Variants in RTN2 observed in about 807,000 individuals in gnomAD.
RTN2 encodes reticulon 2, also known as reticulon-2.
A neutral mutation model predicts 63.7 loss-of-function variants in RTN2; 36 were observed. The ratio of observed to expected loss-of-function variants is 0.56; its 90% CI spans 0.43 to 0.75. The LOEUF is 0.75. Ranked by LOEUF, RTN2 falls within the 30% of genes least tolerant of loss-of-function variation. The pLI, the probability that RTN2 is intolerant of heterozygous loss-of-function variation, is 0.00. For missense variants in RTN2, 673 were observed against 705.1 expected, an observed-to-expected ratio of 0.95 and a Z score of 0.52; for synonymous variants, 312 against 313.0, an observed-to-expected ratio of 1.00 and a Z score of 0.03.
chr19:45,493,134 C>G (rs1568624625), intron 5 of RTN2, 26 bp downstream of exon 5: 1 of 1,605,372 alleles, frequency 6.2e-7, no homozygotes, highest in Non-Finnish European at 8.5e-7. Context: ...ACCTCAGCCC[C>G]CGTCCAGCCC....
At chr19:45,488,774 C>CA in intron 7 of RTN2, 68 bp from the exon 8 acceptor site, 1 of 1,594,428 alleles carries the variant, frequency 6.3e-7, no homozygotes, top group Non-Finnish European at 8.5e-7. Flanking sequence ...ATTTACCCAA[C>CA]AGTCGCCCTC....
chr19:45,489,050 G>A, intron 6 of RTN2, 64 bp from the exon 7 acceptor site: 1 of 1,557,722 alleles, frequency 6.4e-7, no homozygotes. Flanking sequence ...TGCAGGGGCA[G>A]CTGAAACAAG....
chr19:45,494,569 T>A lies in RTN2; in HGVS notation c.516A>T (p.Glu172Asp). 1 of 1,614,074 alleles carries A rather than the reference T, an allele frequency of 6.2e-7. No individual in the cohort carries two copies. Among genetic ancestry groups the A allele is most frequent in the East Asian group, 2.2e-5 (1 of 44,876 alleles). ...TCTCCAATCTGTTGGGTTCTTGGGG[T>A]TCTTCGTCTTCCAGCGGGGTGGAGC... ...TSSSTPLEDEEPQEPNRLETG... is the reference protein window; with the variant it reads ...TSSSTPLEDEDPQEPNRLETG... The change falls in exon 3 of 11, where the codon GAA becomes GAT. Residue 172 changes from glutamate to aspartate, a missense_variant. By Grantham distance (45) the Glu-to-Asp change is conservative (BLOSUM62 2). Transcript: ENST00000245923. This position sits in a 1 kb window ranked among gnomAD's most constrained non-coding sequence, Gnocchi z 5.3.
At chr19:45,496,516 C>A in intron 1 of RTN2, 1 of 340,272 alleles carries the variant, frequency 2.9e-6, no homozygotes, top group Admixed American at 4.8e-5. Flanking sequence ...CGCGCGTCCT[C>A]GCTCCCGGGC....
intron 1 of RTN2, among the ~76,000 whole-genome samples, chr19:45,496,412 A>C (rs1339846867): frequency 6.6e-6 from 1 of 152,170 alleles, no homozygotes; most frequent in Admixed American, 6.5e-5. Context: ...AGTGATTGGG[A>C]GCCAGACCCC....
At position 45,488,680 on chromosome 19, in the gene RTN2, G is replaced by A; in HGVS notation, c.1407C>T (p.Thr469=). The part of the protein sequence containing the change: ...LKLALLFYIL[T]FVGAIFNGLT... ...AACCATTGAAGATGGCACCCACGAAGGTCAAGATGTAGAAGAGGAGGGCCA... is the reference window on the plus strand; with the variant it reads ...AACCATTGAAGATGGCACCCACGAAAGTCAAGATGTAGAAGAGGAGGGCCA... Residue 469 remains threonine (T), a synonymous_variant, in exon 8 of 11, where the codon ACC becomes ACT. Transcript: ENST00000245923. 3 of 1,613,958 alleles carry A rather than the reference G, an allele frequency of 1.9e-6. No homozygotes were observed. The highest frequency in any genetic ancestry group is 1.7e-6 in the Non-Finnish European group (2 of 1,179,940).
chr19:45,492,652 C>A (rs1050189786), intron 5 of RTN2, among the ~76,000 whole-genome samples: 1 of 152,252 alleles, frequency 6.6e-6, no homozygotes, highest in Non-Finnish European at 1.5e-5. Flanking sequence ...CTCCCTCCAA[C>A]TGACCCCTCC....
chr19:45,493,899 A>C, intron 4 of RTN2: 1 of 448,356 alleles, frequency 2.2e-6, no homozygotes, highest in Non-Finnish European at 4.1e-6. Flanking sequence ...CATGTTGGCC[A>C]GGCTGATCTC....
intron 6 of RTN2, 158 bp from the exon 7 acceptor site, chr19:45,489,144 G>A: frequency 1.1e-6 from 1 of 906,346 alleles, no homozygotes; most frequent in Non-Finnish European, 1.7e-6. Flanking sequence ...CTGGGGTCAG[G>A]GTCAGGGTCA....
At chr19:45,493,982 G>T in intron 4 of RTN2, 184 bp downstream of exon 4, 2 of 952,118 alleles carry the variant, frequency 2.1e-6, no homozygotes, top group Admixed American at 2.4e-5. Context: ...GAGCCACCGC[G>T]CCCGGCCGGG....
intron 5 of RTN2, among the ~76,000 whole-genome samples, chr19:45,491,261 T>C (rs1330041393): frequency 6.6e-6 from 1 of 151,588 alleles, no homozygotes; most frequent in East Asian, 1.9e-4. Context: ...AGTGGCGTGA[T>C]CATGGCTCAC....
chr19:45,495,340 T>C, intron 1 of RTN2: 2 of 626,674 alleles, frequency 3.2e-6, no homozygotes, highest in Non-Finnish European at 5.5e-6. Context: ...CTTAGAGTCT[T>C]CAAAGTAGGA....
intron 9 of RTN2, among the ~76,000 whole-genome samples, chr19:45,486,705 C>T (rs1320558911): frequency 3.9e-5 from 5 of 128,174 alleles, no homozygotes; most frequent in Non-Finnish European, 8.4e-5. Context: ...TTATTTTTTT[C>T]TTGTTCTTTT....
At chr19:45,496,646 G>T in intron 1 of RTN2, 146 bp downstream of exon 1, 1 of 476,450 alleles carries the variant, frequency 2.1e-6, no homozygotes, top group Non-Finnish European at 3.5e-6. Context: ...CGCCGCCAGA[G>T]CGCGGGGGAG....
chr19:45,495,496 G>A (rs1968252040), intron 1 of RTN2, among the ~76,000 whole-genome samples: 1 of 152,190 alleles, frequency 6.6e-6, no homozygotes, highest in Non-Finnish European at 1.5e-5. Context: ...CACTCTTTGG[G>A]ATAGACAAAC....
rs1968241252 is a variant in RTN2 at position 45,494,914 on chromosome 19, GC to G, written c.170del (p.Gly57AlafsTer6). The part of the protein sequence containing the change: ...DEEETTSQDW[G>X]TPRELTFSYI... Reference sequence around the variant, plus strand: ...AGGAGAAGGTCAGCTCCCGGGGGGTGCCCCAGTCCTGCGACGTGGTCTCCTC... The same window carrying G: ...AGGAGAAGGTCAGCTCCCGGGGGGTGCCCAGTCCTGCGACGTGGTCTCCTC... On this transcript the variant is annotated frameshift_variant, in exon 3 of 11. Coordinates refer to ENST00000245923, the MANE Select transcript of RTN2 (RefSeq NM_005619.5). LOFTEE classifies it high-confidence loss of function. The surrounding 1 kb of genome is among the most constrained non-coding windows in gnomAD (Gnocchi z 5.3). 1 of 1,613,192 alleles carries G rather than the reference GC, an allele frequency of 6.2e-7. No individual in the cohort carries two copies. The highest frequency in any genetic ancestry group is 8.5e-7 in the Non-Finnish European group (1 of 1,180,022).
intron 5 of RTN2, 123 bp from the exon 6 acceptor site, chr19:45,489,676 C>CTTTTTTT (rs200770145): frequency 6.0e-6 from 3 of 502,508 alleles, no homozygotes; most frequent in African/African-American, 2.3e-5. Context: ...ACCTGATTTC[C>CTTTTTTT]TTTTTTTTTT....
chr19:45,491,797 G>A (rs999683958), intron 5 of RTN2, among the ~76,000 whole-genome samples: 9 of 151,870 alleles, frequency 5.9e-5, no homozygotes, highest in Non-Finnish European at 1.0e-4. Flanking sequence ...CCTAAACCTG[G>A]CTAATTTTTA....
intron 1 of RTN2, 23 bp from the exon 2 acceptor site, chr19:45,495,162 GA>G: frequency 6.2e-7 from 1 of 1,613,508 alleles, no homozygotes; most frequent in Non-Finnish European, 8.5e-7. Context: ...AAGAATCGAA[GA>G]CTCTTAGAAG....
Sources: allele counts gnomAD v4.1 joint callset (sites outside exome capture counted in the v4.1 genomes callset), GRCh38; gene constraint gnomAD v4.1.1; non-coding constraint Gnocchi (gnomAD v3.1); transcripts MANE v1.5; gene names NCBI Gene and HGNC (gene_info 2026-07-23, HGNC 2026-07-21).